Variants in DMD observed in about 807,000 individuals in gnomAD.
The protein encoded by DMD is mutant dystrophin.
Under a neutral mutation model 330.1 loss-of-function variants are expected in DMD, and 63 were observed. The ratio of observed to expected loss-of-function variants is 0.19; its 90% CI spans 0.16 to 0.24. DMD has a LOEUF of 0.24. DMD is among the 10% of genes least tolerant of loss of function. DMD has a pLI of 1.00. For missense variants in DMD, 3,344 were observed against 2,684.1 expected (o/e 1.25, Z -5.43); for synonymous variants, 1,223 against 959.8 (o/e 1.27, Z -5.07).
intron 2 of DMD, among the ~76,000 whole-genome samples, chrX:32,999,302 A>AT (rs780958483): frequency 6.3e-5 from 7 of 111,256 alleles, no homozygotes; most frequent in African/African-American, 1.3e-4. Context: ...TTTTAGATTT[A>AT]TTTTTTTTAG....
chrX:31,441,167 T>C (rs2064916860), intron 60 of DMD, among the ~76,000 whole-genome samples: 1 of 112,270 alleles, frequency 8.9e-6, no homozygotes, highest in African/African-American at 3.2e-5. Flanking sequence ...TACATCTGCC[T>C]TTCTACTACT....
intron 54 of DMD, among the ~76,000 whole-genome samples, chrX:31,648,462 G>A (rs1348018160): frequency 3.7e-5 from 4 of 106,897 alleles, no homozygotes; most frequent in Non-Finnish European, 7.7e-5. Flanking sequence ...TTTGGGGCCT[G>A]GGCTGGGAAG....
At chrX:31,483,293 G>C (rs933720329) in intron 57 of DMD, among the ~76,000 whole-genome samples, 6 of 110,209 alleles carry the variant, frequency 5.4e-5, no homozygotes, top group African/African-American at 2.0e-4. Flanking sequence ...TGATCTGCCC[G>C]CCTTGGCCTC....
intron 44 of DMD, among the ~76,000 whole-genome samples, chrX:32,080,388 ATATCT>A (rs2096383149): frequency 8.9e-6 from 1 of 112,261 alleles, no homozygotes; most frequent in Non-Finnish European, 1.9e-5. Context: ...ATGGCTTATA[ATATCT>A]TAGCTAACTG....
chrX:32,649,397 A>T (rs1227311477), intron 9 of DMD, among the ~76,000 whole-genome samples: 1 of 108,654 alleles, frequency 9.2e-6, no homozygotes, highest in Non-Finnish European at 1.9e-5. Context: ...TACTAAAAAT[A>T]CAAAAAATTA....
intron 11 of DMD, among the ~76,000 whole-genome samples, chrX:32,617,369 T>C (rs1011461735): frequency 5.4e-5 from 6 of 111,503 alleles, no homozygotes; most frequent in Non-Finnish European, 1.1e-4. Flanking sequence ...GCATAAAAAC[T>C]GATCAGTGGA....
At chrX:32,635,144 G>A (rs1407161080) in intron 11 of DMD, among the ~76,000 whole-genome samples, 1 of 111,247 alleles carries the variant, frequency 9.0e-6, no homozygotes, top group Non-Finnish European at 1.9e-5. Context: ...TCAATGCAAA[G>A]TCCTATAATC....
intron 48 of DMD, among the ~76,000 whole-genome samples, chrX:31,867,250 A>G (rs1487977427): frequency 1.8e-5 from 2 of 109,182 alleles, no homozygotes; most frequent in East Asian, 5.7e-4. Context: ...GGAAACAAAT[A>G]TTGTTTCTTA....
rs1167550498 is a variant in DMD at position 31,559,640 on chromosome X, CAAAAAAA to C, written c.8218-52194_8218-52188del. On this transcript the variant is annotated intron_variant, in intron 55 of 78. Coordinates refer to ENST00000357033, the MANE Select transcript of DMD (RefSeq NM_004006.3). ...TGGGCGACAGAGCGAAACTCCGTCTCAAAAAAAAAAAAAAAAAAAAAAAAAGACTTCT... is the reference window on the plus strand; with the variant it reads ...TGGGCGACAGAGCGAAACTCCGTCTCAAAAAAAAAAAAAAAAAAGACTTCT... 5.1e-4 allele frequency among the ~76,000 whole-genome samples: 11 copies of C among 21,618 alleles called. 1 individual carries two copies. Among genetic ancestry groups the C allele is most frequent in the Non-Finnish European group, 9.4e-4 (9 of 9,549 alleles). 18.8% of individuals were successfully genotyped at this position (21,618 alleles called of 115,157 possible). A position where few individuals can be genotyped will look rare whatever the true frequency, so the allele number is the denominator to read the frequency against.
rs1005700084 is a variant in DMD, at chrX:32,572,776, C to T, written c.1812+754G>A. ...TCTCATGTTGAAATGTGATTCCCAG[C>T]ATTGGAGGTAGGGCCTGGTGGGAGG... On this transcript the variant is annotated intron_variant, in intron 15 of 78. Transcript: ENST00000357033. Among the ~76,000 whole-genome samples the T allele has an allele frequency of 9.0e-5, 10 of 110,740 alleles. No individual in the cohort carries two copies. In the South Asian group the frequency reaches 3.1e-3, roughly 34 times the overall value.
chrX:31,737,524 C>T (rs2086962114), intron 51 of DMD, among the ~76,000 whole-genome samples: 1 of 111,621 alleles, frequency 9.0e-6, no homozygotes, highest in African/African-American at 3.3e-5. Context: ...GGAGCTGGGG[C>T]TGTGAGTAAA....
chrX:33,246,894 C>G (rs759886559), intron 1 of DMD, among the ~76,000 whole-genome samples: 1 of 110,383 alleles, frequency 9.1e-6, no homozygotes, highest in East Asian at 2.9e-4. Context: ...CCATGCTTGT[C>G]AGGCTGGTCT....
chrX:31,973,844 G>C (rs1469757302), intron 44 of DMD, among the ~76,000 whole-genome samples: 2 of 111,495 alleles, frequency 1.8e-5, no homozygotes, highest in Non-Finnish European at 3.8e-5. Context: ...ACCGAATGAG[G>C]GCTTTCTTCT....
chrX:32,389,816 T>C, intron 31 of DMD, 142 bp from the exon 32 acceptor site: 5 of 626,009 alleles, frequency 8.0e-6, no homozygotes, highest in African/African-American at 2.2e-5. Context: ...TTTCCATTCA[T>C]CCAACACAGG....
rs181517869 is a variant in DMD, at chrX:31,206,651, T to G, written c.9580A>C (p.Ile3194Leu). ...NVYDTGRTGRIRVLSFKTGII... is the reference protein window; with the variant it reads ...NVYDTGRTGRLRVLSFKTGII... ...CCAGTTTTAAAAGACAGGACACGGA[T>G]CCTCCCTGTTCGTCCCCTATTATGA... Residue 3194 changes from isoleucine to leucine, a missense_variant, in exon 66 of 79, where the codon ATC becomes CTC. Physicochemically the swap from Ile to Leu is conservative, Grantham distance 5. Coordinates refer to ENST00000357033, the MANE Select transcript of DMD (RefSeq NM_004006.3). The G allele has an allele frequency of 1.6e-5, 19 of 1,207,558 alleles. No individual in the cohort carries two copies. Among genetic ancestry groups the G allele is most frequent in the Non-Finnish European group, 2.0e-5 (18 of 893,437 alleles).
intron 44 of DMD, among the ~76,000 whole-genome samples, chrX:32,100,889 G>T (rs1363527395): frequency 9.0e-6 from 1 of 111,423 alleles, no homozygotes. Flanking sequence ...GATTGCTTTA[G>T]GAGGATTTTA....
intron 43 of DMD, among the ~76,000 whole-genome samples, chrX:32,231,243 A>C (rs2097168199): frequency 8.9e-6 from 1 of 112,729 alleles, no homozygotes; most frequent in Admixed American, 9.4e-5. Context: ...GAGATGAAAA[A>C]GCCATTTTAT....
At chrX:32,142,428 C>A (rs2096758107) in intron 44 of DMD, among the ~76,000 whole-genome samples, 2 of 111,957 alleles carry the variant, frequency 1.8e-5, no homozygotes, top group South Asian at 7.4e-4. Flanking sequence ...CTTGCTGAGT[C>A]CCCTTGGGGA....
At chrX:32,764,435 T>C (rs990465039) in intron 7 of DMD, among the ~76,000 whole-genome samples, 2 of 111,336 alleles carry the variant, frequency 1.8e-5, no homozygotes, top group Admixed American at 9.6e-5. Context: ...AAAAACTTCA[T>C]ATCCATTAAA....
Sources: allele counts gnomAD v4.1 joint callset (sites outside exome capture counted in the v4.1 genomes callset), GRCh38; gene constraint gnomAD v4.1.1; transcripts MANE v1.5; gene names NCBI Gene and HGNC (gene_info 2026-07-23, HGNC 2026-07-21).